The following WWOX variants were observed in gnomAD, a reference collection of about 807,000 sequenced individuals.
The protein encoded by WWOX is WW domain containing oxidoreductase, also known as WW domain-containing oxidoreductase.
WWOX carries 69 observed loss-of-function variants against 46.2 expected under a neutral mutation model. The observed-to-expected ratio is 1.49, with a 90% CI of 1.23 to 1.82. The LOEUF (loss-of-function observed/expected upper bound fraction) is 1.82, where lower values mean the gene tolerates loss of function less well. Ranked by LOEUF, WWOX falls within the 40% of genes most tolerant of loss-of-function variation. The probability of loss-of-function intolerance (pLI) is 0.00; values close to 1 mark genes in which losing one functional copy is unlikely to be tolerated. For synonymous variants in WWOX, 359 were observed against 202.6 expected, an observed-to-expected ratio of 1.77 and a Z score of -6.56; for missense variants, 919 against 542.6, an observed-to-expected ratio of 1.69 and a Z score of -6.89.
intron 8 of WWOX, among the ~76,000 whole-genome samples, chr16:78,982,051 A>G (rs1199672398): frequency 5.3e-5 from 8 of 152,060 alleles, no homozygotes; most frequent in African/African-American, 1.9e-4. Context: ...GCTGGGTGAA[A>G]CGTGTTGTCT....
chr16:79,013,530 G>A (rs577263666), intron 8 of WWOX, among the ~76,000 whole-genome samples: 27 of 152,254 alleles, frequency 1.8e-4, no homozygotes, highest in African/African-American at 5.3e-4. Context: ...TGTGCAACAG[G>A]GACAGCAAAA....
At chr16:78,898,395 G>C (rs189006403) in intron 8 of WWOX, 3 of 152,138 alleles carry the variant, frequency 2.0e-5, no homozygotes, top group Admixed American at 2.0e-4. Flanking sequence ...TTTGTTCAAA[G>C]ACTAATCCTC....
chr16:78,622,559 G>A (rs1413970395), intron 8 of WWOX, among the ~76,000 whole-genome samples: 1 of 148,994 alleles, frequency 6.7e-6, no homozygotes. Flanking sequence ...AAAAAAAAGT[G>A]AACCCTTGTA....
chr16:79,075,741 TG>T (rs760869623), intron 8 of WWOX, among the ~76,000 whole-genome samples: 1 of 152,052 alleles, frequency 6.6e-6, no homozygotes, highest in Non-Finnish European at 1.5e-5. Context: ...TTAGTAGAGA[TG>T]GGGTCTCATC....
intron 8 of WWOX, among the ~76,000 whole-genome samples, chr16:78,456,323 G>A (rs1418477514): frequency 6.6e-6 from 1 of 152,168 alleles, no homozygotes; most frequent in East Asian, 1.9e-4. Flanking sequence ...GTTGGGGGCT[G>A]AGAGGCAAGA....
At chr16:79,031,085 C>G (rs1468049910) in intron 8 of WWOX, among the ~76,000 whole-genome samples, 1 of 113,574 alleles carries the variant, frequency 8.8e-6, no homozygotes, top group Non-Finnish European at 1.9e-5. Flanking sequence ...AGAGTGAGAC[C>G]CTGTCTCAAA....
intron 7 of WWOX, among the ~76,000 whole-genome samples, chr16:78,427,725 C>G (rs76042796): frequency 6.6e-6 from 1 of 151,978 alleles, no homozygotes; most frequent in Admixed American, 6.6e-5. Context: ...TTGCGGTAAG[C>G]GTTGATCATG....
At chr16:78,924,924 G>A (rs181816672) in intron 8 of WWOX, among the ~76,000 whole-genome samples, 240 of 152,276 alleles carry the variant, frequency 1.6e-3, no homozygotes, top group Admixed American at 2.6e-3. Flanking sequence ...GCCAGGCCTG[G>A]AGGTTCATGC....
chr16:79,211,482 A>T, intron 8 of WWOX, 126 bp from the exon 9 acceptor site: 1 of 1,231,302 alleles, frequency 8.1e-7, no homozygotes. Flanking sequence ...ACCCTTTGCT[A>T]TGCCAAGATC....
intron 6 of WWOX, among the ~76,000 whole-genome samples, chr16:78,409,627 C>G (rs1463495283): frequency 6.6e-6 from 1 of 152,146 alleles, no homozygotes. Flanking sequence ...TTACCACAAA[C>G]TTATGTGCTT....
chr16:78,874,915 C>T (rs938216931), intron 8 of WWOX, among the ~76,000 whole-genome samples: 2 of 152,078 alleles, frequency 1.3e-5, no homozygotes, highest in Non-Finnish European at 2.9e-5. Flanking sequence ...AGCATAGAGA[C>T]ACAACCCTGT....
chr16:78,469,129 G>A (rs1478260805), intron 8 of WWOX, among the ~76,000 whole-genome samples: 4 of 152,172 alleles, frequency 2.6e-5, no homozygotes, highest in Admixed American at 2.0e-4. Flanking sequence ...GAGGCAAATG[G>A]TGATACCTCA....
At chr16:78,941,840 CT>C (rs1363803514) in intron 8 of WWOX, among the ~76,000 whole-genome samples, 1 of 151,978 alleles carries the variant, frequency 6.6e-6, no homozygotes, top group African/African-American at 2.4e-5. Context: ...ACTATTTTTT[CT>C]TTTTTTGTAA....
intron 8 of WWOX, among the ~76,000 whole-genome samples, chr16:78,917,087 A>T (rs565680755): frequency 6.6e-6 from 1 of 152,328 alleles, no homozygotes; most frequent in South Asian, 2.1e-4. Context: ...ATATAGTAGG[A>T]GAAGACCAGA....
chr16:78,725,733 A>C (rs1448023868), intron 8 of WWOX, among the ~76,000 whole-genome samples: 2 of 152,104 alleles, frequency 1.3e-5, no homozygotes, highest in Non-Finnish European at 2.9e-5. Flanking sequence ...TCCAAAATCA[A>C]GGTGTCAGCA....
At chr16:78,493,085 C>T (rs1230792014) in intron 8 of WWOX, among the ~76,000 whole-genome samples, 2 of 152,150 alleles carry the variant, frequency 1.3e-5, no homozygotes, top group African/African-American at 2.4e-5. Flanking sequence ...CTGTACAGCA[C>T]ACAACTCGGG....
At chr16:78,377,911 C>G (rs1050405317) in intron 5 of WWOX, among the ~76,000 whole-genome samples, 1 of 152,012 alleles carries the variant, frequency 6.6e-6, no homozygotes, top group Admixed American at 6.6e-5. Context: ...TCCAGCAACA[C>G]AAGGCAAAAA....
intron 8 of WWOX, among the ~76,000 whole-genome samples, chr16:78,788,534 G>C (rs190582145): frequency 7.9e-5 from 12 of 152,318 alleles, no homozygotes; most frequent in East Asian, 1.9e-4. Flanking sequence ...GGAGCTTCCA[G>C]ATAGCTGAAG....
chr16:79,002,078 G>T (rs545925135), intron 8 of WWOX, among the ~76,000 whole-genome samples: 1 of 152,020 alleles, frequency 6.6e-6, no homozygotes, highest in African/African-American at 2.4e-5. Context: ...AATAATCTGG[G>T]GATGAAAACA....
Sources: allele counts gnomAD v4.1 joint callset (sites outside exome capture counted in the v4.1 genomes callset), GRCh38; gene constraint gnomAD v4.1.1; transcripts MANE v1.5; gene names NCBI Gene and HGNC (gene_info 2026-07-23, HGNC 2026-07-21).